CCDC73: variants seen among roughly 807,000 people sequenced by gnomAD.
The protein encoded by CCDC73 is coiled-coil domain containing 73, also known as coiled-coil domain-containing protein 73.
CCDC73 carries 95 observed loss-of-function variants against 116.5 expected under a neutral mutation model. That is an observed-to-expected ratio of 0.82 (90% CI 0.69 to 0.97). The LOEUF is 0.97. Ranked by LOEUF, CCDC73 falls within the 50% of genes least tolerant of loss-of-function variation. The probability of loss-of-function intolerance (pLI) is 0.00; values close to 1 mark genes in which losing one functional copy is unlikely to be tolerated. For missense variants in CCDC73, 1,066 were observed against 1,206.8 expected (o/e 0.88, Z 1.73); for synonymous variants, 398 against 401.3 (o/e 0.99, Z 0.10).
Position 32,614,209 on chromosome 11 carries a change from A to G in CCDC73, c.2109T>C (p.Asp703=). 1 of 1,613,906 alleles carries G rather than the reference A, an allele frequency of 6.2e-7. No individual in the cohort carries two copies. ...LEKSELTVPC[D]IVIDHHVSYA... is the part of the protein sequence containing the mutation. ...ATGAAACATGGTGGTCGATTACTAT[A>G]TCACAGGGAACAGTTAGTTCAGATT... The change falls in exon 16 of 18, where the codon GAT becomes GAC. Residue 703 remains aspartate (D), a synonymous_variant. Transcript: ENST00000335185.
chr11:32,629,320 T>C (rs1413733729), intron 14 of CCDC73, among the ~76,000 whole-genome samples: 1 of 151,974 alleles, frequency 6.6e-6, no homozygotes, highest in African/African-American at 2.4e-5. Flanking sequence ...CCAAGCAAGA[T>C]ATGCACCAAG....
intron 3 of CCDC73, among the ~76,000 whole-genome samples, chr11:32,705,403 T>A (rs1849846938): frequency 6.6e-6 from 1 of 152,152 alleles, no homozygotes; most frequent in South Asian, 2.1e-4. Flanking sequence ...ATCCAGACAC[T>A]GGTGCCTGCA....
chr11:32,735,313 T>C (rs1375702235), intron 2 of CCDC73, among the ~76,000 whole-genome samples: 7 of 152,194 alleles, frequency 4.6e-5, no homozygotes, highest in Admixed American at 4.6e-4. Context: ...ATAAGCAACT[T>C]CAGCAAAGTC....
intron 14 of CCDC73, among the ~76,000 whole-genome samples, chr11:32,622,268 AT>A (rs1855528693): frequency 6.6e-6 from 1 of 152,216 alleles, no homozygotes; most frequent in African/African-American, 2.4e-5. Context: ...CCAAATGTCC[AT>A]CAATGATAGA....
In CCDC73 at chr11:32,653,246, A is replaced by G. The variant is rs1855842794; in HGVS notation, c.835-19T>C. ...TGATATCCTTTGAAAATACACAAAT[A>G]TATCAATTTAAAAGTTTTAAGATAG... On this transcript the variant is annotated intron_variant, in intron 11 of 17. Transcript: ENST00000335185. 1 of 1,496,064 alleles carries G rather than the reference A, an allele frequency of 6.7e-7. No homozygotes were observed. The allele number at this position is 1,496,064 out of a possible 1,614,324, so 92.7% of individuals were successfully genotyped here. A position where few individuals can be genotyped will look rare whatever the true frequency, so the allele number is the denominator to read the frequency against.
chr11:32,829,541 C>T, the CCDC73 span, among the ~76,000 whole-genome samples: 1 of 152,234 alleles, frequency 6.6e-6, no homozygotes, highest in Non-Finnish European at 1.5e-5. Context: ...ATCTTGTCCT[C>T]GTCCCCGGAC....
intron 3 of CCDC73, among the ~76,000 whole-genome samples, chr11:32,711,329 A>G (rs963295375): frequency 6.6e-6 from 1 of 152,228 alleles, no homozygotes. Context: ...TACCAAAAAA[A>G]TACTTGTACA....
chr11:32,622,469 T>C (rs1195077584), intron 14 of CCDC73, among the ~76,000 whole-genome samples: 1 of 151,620 alleles, frequency 6.6e-6, no homozygotes, highest in Non-Finnish European at 1.5e-5. Context: ...TGAGAACACA[T>C]GGACACAGGA....
intron 14 of CCDC73, among the ~76,000 whole-genome samples, chr11:32,618,815 G>A (rs1855497062): frequency 2.0e-5 from 3 of 152,242 alleles, no homozygotes; most frequent in East Asian, 3.9e-4. Flanking sequence ...GCCTCCCAAT[G>A]TGCTGGGATT....
At chr11:32,786,151 C>T (rs895039355) in intron 1 of CCDC73, among the ~76,000 whole-genome samples, 4 of 151,704 alleles carry the variant, frequency 2.6e-5, no homozygotes, top group Non-Finnish European at 4.4e-5. Context: ...AAAATGCATA[C>T]GCCTTCCCCT....
At chr11:32,715,666 A>G (rs1351318771) in intron 3 of CCDC73, among the ~76,000 whole-genome samples, 1 of 152,204 alleles carries the variant, frequency 6.6e-6, no homozygotes, top group Non-Finnish European at 1.5e-5. Context: ...AACCACCTGC[A>G]TCAATATAAC....
At chr11:32,747,441 C>T (rs554192502) in intron 2 of CCDC73, among the ~76,000 whole-genome samples, 57 of 152,264 alleles carry the variant, frequency 3.7e-4, no homozygotes, top group Admixed American at 9.8e-4. Context: ...ACCATGCTGG[C>T]GGAACCAATG....
At chr11:32,660,240 A>AAAC (rs1554963513) in intron 9 of CCDC73, among the ~76,000 whole-genome samples, 1 of 150,210 alleles carries the variant, frequency 6.7e-6, no homozygotes, top group African/African-American at 2.4e-5. Context: ...AAAAAAAAAA[A>AAAC]AAAAAAAAAA....
chr11:32,708,341 G>A (rs1042009869), intron 3 of CCDC73, among the ~76,000 whole-genome samples: 2 of 152,162 alleles, frequency 1.3e-5, no homozygotes, highest in African/African-American at 4.8e-5. Context: ...GTAATGTGAT[G>A]TCTCCAGATT....
At chr11:32,803,047 T>A in the CCDC73 span, among the ~76,000 whole-genome samples, 2 of 152,002 alleles carry the variant, frequency 1.3e-5, no homozygotes, top group Non-Finnish European at 2.9e-5. Context: ...AGTGCTGGGA[T>A]TACAGGCCTG....
At chr11:32,804,092 G>C in the CCDC73 span, among the ~76,000 whole-genome samples, 7 of 151,976 alleles carry the variant, frequency 4.6e-5, no homozygotes, top group Non-Finnish European at 1.0e-4. Context: ...TTACAGGCTT[G>C]AGCCACCACA....
chr11:32,748,689 C>T (rs1382198369), intron 2 of CCDC73, among the ~76,000 whole-genome samples: 2 of 152,158 alleles, frequency 1.3e-5, no homozygotes, highest in Non-Finnish European at 2.9e-5. Flanking sequence ...GATTAACATC[C>T]TTTTCTTTTG....
At chr11:32,727,560 C>T (rs1590615847) in intron 2 of CCDC73, among the ~76,000 whole-genome samples, 1 of 152,118 alleles carries the variant, frequency 6.6e-6, no homozygotes, top group African/African-American at 2.4e-5. Context: ...TCAGTGGATA[C>T]TGCCTGAAGC....
intron 2 of CCDC73, among the ~76,000 whole-genome samples, chr11:32,743,773 G>A (rs1447032667): frequency 1.3e-5 from 2 of 152,164 alleles, no homozygotes; most frequent in Admixed American, 1.3e-4. Flanking sequence ...CTGAGACTTT[G>A]CTGAAGTTGC....
Sources: gnomAD v4.1 joint callset for allele counts (sites outside exome capture counted in the v4.1 genomes callset) on GRCh38, gnomAD v4.1.1 for gene constraint, MANE v1.5 for transcripts, NCBI Gene and HGNC (gene_info 2026-07-23, HGNC 2026-07-21) for gene names.